FSTL5: variants seen among roughly 807,000 people sequenced by gnomAD.
FSTL5 encodes follistatin like 5, also known as follistatin-related protein 5.
Under a neutral mutation model 89.1 loss-of-function variants are expected in FSTL5, and 62 were observed. The observed-to-expected ratio is 0.70, with a 90% CI of 0.57 to 0.86. The LOEUF (loss-of-function observed/expected upper bound fraction) is 0.86, where lower values mean the gene tolerates loss of function less well. FSTL5 is among the 40% of genes least tolerant of loss of function. The probability of loss-of-function intolerance (pLI) is 0.00; values close to 1 mark genes in which losing one functional copy is unlikely to be tolerated. For synonymous variants in FSTL5, 383 were observed against 346.2 expected (o/e 1.11, Z -1.18); for missense variants, 1,057 against 1,001.6 (o/e 1.06, Z -0.75).
At chr4:161,419,364 C>T (rs13145904) in intron 15 of FSTL5, among the ~76,000 whole-genome samples, 7 of 151,834 alleles carry the variant, frequency 4.6e-5, no homozygotes, top group Admixed American at 3.9e-4. Context: ...TTTTGCATAG[C>T]ATTTTAAAAA....
chr4:162,117,170 G>A (rs900649250), intron 1 of FSTL5, among the ~76,000 whole-genome samples: 3 of 152,158 alleles, frequency 2.0e-5, no homozygotes, highest in Admixed American at 6.5e-5. Flanking sequence ...CTGTGAGACA[G>A]GAAAACTGAC....
chr4:161,498,254 G>A (rs186195668), intron 12 of FSTL5, among the ~76,000 whole-genome samples: 12 of 152,188 alleles, frequency 7.9e-5, no homozygotes, highest in Admixed American at 7.9e-4. Context: ...AGAGAGAAAT[G>A]CAGGTAAATA....
chr4:162,091,568 T>A (rs1209789728), intron 2 of FSTL5, among the ~76,000 whole-genome samples: 1 of 152,150 alleles, frequency 6.6e-6, no homozygotes, highest in African/African-American at 2.4e-5. Flanking sequence ...AAACATATGA[T>A]CCAAACATTC....
chr4:161,412,051 C>A (rs1012184897), intron 15 of FSTL5, among the ~76,000 whole-genome samples: 7 of 152,092 alleles, frequency 4.6e-5, no homozygotes, highest in Admixed American at 4.6e-4. Flanking sequence ...CTAACAACAT[C>A]CAGGCTGAGA....
At chr4:161,435,825 C>T (rs1732541378) in intron 15 of FSTL5, among the ~76,000 whole-genome samples, 1 of 151,978 alleles carries the variant, frequency 6.6e-6, no homozygotes, top group South Asian at 2.1e-4. Flanking sequence ...CTCTCAAAAA[C>T]ACTAGTCAAA....
intron 15 of FSTL5, among the ~76,000 whole-genome samples, chr4:161,429,029 C>G (rs72681786): frequency 0.08 from 12,160 of 152,118 alleles, 614 homozygotes; most frequent in Non-Finnish European, 0.12. Flanking sequence ...CCTAGCAGCA[C>G]TTACCACAAG....
intron 4 of FSTL5, among the ~76,000 whole-genome samples, chr4:161,909,586 C>T (rs1229331274): frequency 6.6e-6 from 1 of 152,118 alleles, no homozygotes; most frequent in Non-Finnish European, 1.5e-5. Flanking sequence ...TTCTCTGTTA[C>T]TTGCAACTGA....
intron 4 of FSTL5, among the ~76,000 whole-genome samples, chr4:161,863,570 A>T (rs965766367): frequency 2.6e-5 from 4 of 152,196 alleles, no homozygotes; most frequent in African/African-American, 9.6e-5. Flanking sequence ...TGCATCATAA[A>T]CTCAACCTGT....
At chr4:161,918,173 ATCT>A (rs1579192442) in intron 4 of FSTL5, among the ~76,000 whole-genome samples, 1 of 152,174 alleles carries the variant, frequency 6.6e-6, no homozygotes, top group East Asian at 1.9e-4. Flanking sequence ...GCTTTACAGA[ATCT>A]TCTTTTACAA....
chr4:161,430,296 T>C (rs1322066777), intron 15 of FSTL5, among the ~76,000 whole-genome samples: 2 of 151,424 alleles, frequency 1.3e-5, no homozygotes, highest in African/African-American at 2.4e-5. Flanking sequence ...AAAGAGTAGG[T>C]AGAGAGAGAG....
chr4:162,035,351 A>G (rs1459055662), intron 2 of FSTL5: 1 of 152,104 alleles, frequency 6.6e-6, no homozygotes, highest in Non-Finnish European at 1.5e-5. Context: ...CTGAAATTAT[A>G]CATGTAGCCA....
rs370089550 is a variant in FSTL5, at chr4:161,385,738, G to C, written c.*9C>G. 9.2e-6 allele frequency: 14 copies of C among 1,524,776 alleles called. No homozygotes were observed. The highest frequency in any genetic ancestry group is 1.1e-5 in the Non-Finnish European group (12 of 1,122,750). The allele number at this position is 1,524,776 out of a possible 1,614,324, so 94.5% of individuals were successfully genotyped here. On this transcript the variant is annotated 3_prime_UTR_variant, in exon 16 of 16. Coordinates refer to ENST00000306100, the MANE Select transcript of FSTL5 (RefSeq NM_020116.5). ...AAACGCTTCATTCAATAATTGTATC[G>C]TAGGGTTTTTAGGCATCTCCAACCC... is the stretch of plus-strand genomic sequence containing the variant.
chr4:162,021,977 G>A (rs1418043034), intron 3 of FSTL5, among the ~76,000 whole-genome samples: 1 of 151,890 alleles, frequency 6.6e-6, no homozygotes, highest in East Asian at 1.9e-4. Flanking sequence ...TGTAATCCCA[G>A]CTATTTGGGA....
intron 4 of FSTL5, among the ~76,000 whole-genome samples, chr4:161,876,528 T>C (rs1732447842): frequency 6.6e-6 from 1 of 152,198 alleles, no homozygotes; most frequent in Admixed American, 6.5e-5. Flanking sequence ...ACATTTCTTG[T>C]TTTTAAAGAT....
Position 161,774,085 on chromosome 4 carries a change from C to T in FSTL5, c.606+1793G>A, listed in dbSNP as rs187994002. On this transcript the variant is annotated intron_variant, in intron 5 of 15. Coordinates refer to ENST00000306100, the MANE Select transcript of FSTL5 (RefSeq NM_020116.5). ...GACCATCCTGGGTAACATGGTGAAA[C>T]CCCGTCTCTACTAAAAATACAAAAA... 1.1e-4 allele frequency among the ~76,000 whole-genome samples: 16 copies of T among 152,136 alleles called. No homozygotes were observed. In the East Asian group the frequency reaches 2.3e-3, roughly 22 times the overall value.
At chr4:161,695,950 A>T (rs1738148348) in intron 6 of FSTL5, among the ~76,000 whole-genome samples, 1 of 151,802 alleles carries the variant, frequency 6.6e-6, no homozygotes, top group African/African-American at 2.4e-5. Context: ...CCATGCAAAA[A>T]CTCTTTGGTT....
At chr4:161,533,232 G>A (rs1731486260) in intron 10 of FSTL5, among the ~76,000 whole-genome samples, 1 of 147,068 alleles carries the variant, frequency 6.8e-6, no homozygotes, top group African/African-American at 2.5e-5. Context: ...AATGAGAGAA[G>A]AACTGAACAA....
intron 6 of FSTL5, among the ~76,000 whole-genome samples, chr4:161,723,994 G>T (rs1739308136): frequency 6.6e-6 from 1 of 151,882 alleles, no homozygotes; most frequent in African/African-American, 2.4e-5. Flanking sequence ...CTTTTTGAAA[G>T]AATAAAAAGG....
intron 15 of FSTL5, chr4:161,388,179 T>C (rs1730710113): frequency 6.6e-6 from 1 of 152,102 alleles, no homozygotes; most frequent in Non-Finnish European, 1.5e-5. Flanking sequence ...AGTGTATTTC[T>C]GAATGATGCC....
Sources: allele counts gnomAD v4.1 joint callset (sites outside exome capture counted in the v4.1 genomes callset), GRCh38; gene constraint gnomAD v4.1.1; transcripts MANE v1.5; gene names NCBI Gene and HGNC (gene_info 2026-07-23, HGNC 2026-07-21).